Variants in ATP8A2 observed in about 807,000 individuals in gnomAD.
The protein encoded by ATP8A2 is phospholipid-transporting ATPase IB.
A neutral mutation model predicts 165.6 loss-of-function variants in ATP8A2; 100 were observed. That is an observed-to-expected ratio of 0.60 (90% confidence interval 0.51 to 0.71). ATP8A2 has a LOEUF of 0.71. ATP8A2 is among the 30% of genes least tolerant of loss of function. ATP8A2 has a pLI of 0.00. For missense variants in ATP8A2, 1,227 were observed against 1,479.5 expected (o/e 0.83, Z 2.80); for synonymous variants, 543 against 548.8 (o/e 0.99, Z 0.15).
chr13:25,836,166 TTTTGTTTGTTTGTTTGTTTG>T (rs149756647), intron 28 of ATP8A2, among the ~76,000 whole-genome samples: 6 of 150,634 alleles, frequency 4.0e-5, no homozygotes, highest in East Asian at 2.0e-4. Context: ...ATCTCCTGTT[TTTTGTTTGTTTGTTTGTTTG>T]TTTGTTTGTT....
chr13:25,818,228 T>C (rs1439447424), intron 27 of ATP8A2, among the ~76,000 whole-genome samples: 1 of 152,170 alleles, frequency 6.6e-6, no homozygotes, highest in Non-Finnish European at 1.5e-5. Flanking sequence ...TTCAAACAGC[T>C]TATACCCTAA....
chr13:25,497,369 C>T (rs2036710271), intron 2 of ATP8A2, among the ~76,000 whole-genome samples: 1 of 152,070 alleles, frequency 6.6e-6, no homozygotes, highest in Non-Finnish European at 1.5e-5. Context: ...GGACTGATTG[C>T]CTATTAAATT....
chr13:25,999,961 G>A (rs1038522792), intron 35 of ATP8A2, among the ~76,000 whole-genome samples: 1 of 152,184 alleles, frequency 6.6e-6, no homozygotes, highest in Admixed American at 6.5e-5. Context: ...TTACATAAGT[G>A]TCTTTAACTA....
chr13:25,860,168 G>A, intron 30 of ATP8A2, 27 bp from the exon 31 acceptor site: 2 of 1,561,020 alleles, frequency 1.3e-6, no homozygotes. Context: ...CTTCTTGGAT[G>A]TTAATAGTAA....
At chr13:25,530,306 A>C (rs2137903342) in intron 3 of ATP8A2, among the ~76,000 whole-genome samples, 1 of 152,332 alleles carries the variant, frequency 6.6e-6, no homozygotes, top group East Asian at 1.9e-4. Flanking sequence ...GCAGTGACTG[A>C]AAGAGGCATT....
intron 30 of ATP8A2, among the ~76,000 whole-genome samples, chr13:25,842,089 G>C (rs1457384108): frequency 6.6e-6 from 1 of 152,190 alleles, no homozygotes; most frequent in African/African-American, 2.4e-5. Context: ...GAGCAGATTT[G>C]CAAATGAATA....
chr13:26,011,054 C>G (rs1211998179), intron 35 of ATP8A2, among the ~76,000 whole-genome samples: 3 of 152,108 alleles, frequency 2.0e-5, no homozygotes, highest in African/African-American at 4.8e-5. Flanking sequence ...GCTCACTGAT[C>G]GATCGGGGGC....
chr13:25,517,675 G>A (rs75657875), intron 2 of ATP8A2, among the ~76,000 whole-genome samples: 1 of 152,142 alleles, frequency 6.6e-6, no homozygotes, highest in African/African-American at 2.4e-5. Flanking sequence ...TACCTCTCCT[G>A]GTCCAATTAC....
intron 24 of ATP8A2, among the ~76,000 whole-genome samples, chr13:25,623,931 A>G (rs1233703757): frequency 6.6e-6 from 1 of 152,116 alleles, no homozygotes; most frequent in African/African-American, 2.4e-5. Context: ...ATATATATAC[A>G]TGCATAAATA....
At chr13:25,626,163 G>A (rs1188117671) in intron 24 of ATP8A2, among the ~76,000 whole-genome samples, 2 of 152,168 alleles carry the variant, frequency 1.3e-5, no homozygotes, top group East Asian at 3.8e-4. Context: ...GGGAATACAC[G>A]ATTAGAAAGG....
chr13:25,941,787 C>A (rs1347954578), intron 33 of ATP8A2, among the ~76,000 whole-genome samples: 2 of 152,104 alleles, frequency 1.3e-5, no homozygotes, highest in Non-Finnish European at 2.9e-5. Flanking sequence ...AAATTTTGCA[C>A]CAAGAGACAA....
chr13:25,971,034 G>A (rs552327308), intron 35 of ATP8A2, among the ~76,000 whole-genome samples: 33 of 152,110 alleles, frequency 2.2e-4, no homozygotes, highest in South Asian at 6.2e-4. Flanking sequence ...ACGTGTGCGC[G>A]CACACATGCA....
chr13:25,625,247 C>G (rs2041071966), intron 24 of ATP8A2, among the ~76,000 whole-genome samples: 1 of 152,104 alleles, frequency 6.6e-6, no homozygotes, highest in African/African-American at 2.4e-5. Flanking sequence ...TAAGAGAAAA[C>G]CTTTTATTTT....
At chr13:25,730,119 A>G (rs144101075) in intron 25 of ATP8A2, among the ~76,000 whole-genome samples, 14 of 152,206 alleles carry the variant, frequency 9.2e-5, no homozygotes, top group Middle Eastern at 6.8e-3. Flanking sequence ...GTGTAACCCC[A>G]TCTCTACAAA....
rs2043615066 is a variant in ATP8A2, at chr13:25,731,126, A to AG, written c.2384+31781_2384+31782insG. Among the ~76,000 whole-genome samples, 4 of 117,604 alleles carry AG rather than the reference A, an allele frequency of 3.4e-5. 1 individual carries two copies. The highest frequency in any genetic ancestry group is 3.5e-5 in the Non-Finnish European group (2 of 56,894). The allele number at this position is 117,604 out of a possible 152,430, so 77.2% of individuals were successfully genotyped here. On this transcript the variant is annotated intron_variant, in intron 25 of 36. Transcript: ENST00000381655. Reference sequence around the variant, plus strand: ...AGAGAGAGAGGGAAAGGGAAAAGAAAAGAGAGAGAGAGAGAGAAATAAAAG... The same window carrying AG: ...AGAGAGAGAGGGAAAGGGAAAAGAAAGAGAGAGAGAGAGAGAGAAATAAAAG...
intron 1 of ATP8A2, among the ~76,000 whole-genome samples, chr13:25,465,727 C>CTTTCTT (rs1555274920): frequency 1.3e-4 from 8 of 59,300 alleles, no homozygotes; most frequent in African/African-American, 6.0e-4. Context: ...TTCTTTCTTT[C>CTTTCTT]TTTCTTTCTT....
intron 25 of ATP8A2, among the ~76,000 whole-genome samples, chr13:25,756,994 A>G (rs2044276769): frequency 6.6e-6 from 1 of 152,156 alleles, no homozygotes; most frequent in African/African-American, 2.4e-5. Context: ...CGCTCAGCGC[A>G]TTCGTTCCCC....
intron 25 of ATP8A2, among the ~76,000 whole-genome samples, chr13:25,709,374 C>G (rs1191995829): frequency 2.0e-5 from 3 of 152,160 alleles, no homozygotes; most frequent in Non-Finnish European, 4.4e-5. Context: ...TTACTCTTGT[C>G]TGTTTTAATG....
intron 24 of ATP8A2, among the ~76,000 whole-genome samples, chr13:25,675,934 A>T (rs545331127): frequency 6.6e-6 from 1 of 152,222 alleles, no homozygotes; most frequent in Admixed American, 6.5e-5. Flanking sequence ...TTTTACAATC[A>T]TATATTAATA....
Sources: gnomAD v4.1 joint callset for allele counts (sites outside exome capture counted in the v4.1 genomes callset) on GRCh38, gnomAD v4.1.1 for gene constraint, MANE v1.5 for transcripts, NCBI Gene and HGNC (gene_info 2026-07-23, HGNC 2026-07-21) for gene names.